DCUN1D5: variants seen among roughly 807,000 people sequenced by gnomAD.
DCUN1D5 encodes the protein DCN1-like protein 5.
DCUN1D5 carries 10 observed loss-of-function variants against 38.3 expected under a neutral mutation model. The ratio of observed to expected loss-of-function variants is 0.26; its 90% CI spans 0.16 to 0.44. The LOEUF (loss-of-function observed/expected upper bound fraction) is 0.44, where lower values mean the gene tolerates loss of function less well. DCUN1D5 is among the 20% of genes least tolerant of loss of function. The probability of loss-of-function intolerance (pLI) is 1.00; values close to 1 mark genes in which losing one functional copy is unlikely to be tolerated. For missense variants in DCUN1D5, 148 were observed against 275.3 expected (o/e 0.54, Z 3.27); for synonymous variants, 93 against 90.9 (o/e 1.02, Z -0.13).
intron 4 of DCUN1D5, among the ~76,000 whole-genome samples, chr11:103,067,952 C>T (rs569953869): frequency 2.6e-5 from 4 of 152,180 alleles, no homozygotes; most frequent in South Asian, 4.1e-4. Flanking sequence ...CTGGAATTAG[C>T]ATCTGTCCAA....
chr11:103,083,443 T>C lies in DCUN1D5; in HGVS notation c.179-117A>G. ...TATTTTGCAAATAATTAAATTTGAA[T>C]TTTGGCATAGCTTTGATAAGTATAA... On this transcript the variant is annotated intron_variant, in intron 2 of 7. Transcript: ENST00000260247. The surrounding 1 kb of genome is among the most constrained non-coding windows in gnomAD (Gnocchi z 4.4). The C allele has an allele frequency of 1.7e-6, 1 of 586,558 alleles. No individual in the cohort carries two copies. The highest frequency in any genetic ancestry group is 3.1e-6 in the Non-Finnish European group (1 of 326,396). The allele number at this position is 586,558 out of a possible 1,614,324, so 36.3% of individuals were successfully genotyped here.
rs1862188766 is a variant in DCUN1D5, at chr11:103,068,463, C to T, written c.342-1896G>A. 2.6e-5 allele frequency among the ~76,000 whole-genome samples: 4 copies of T among 152,016 alleles called. No homozygotes were observed. The South Asian group carries it at 8.3e-4, about 31-fold the overall frequency. On this transcript the variant is annotated intron_variant, in intron 4 of 7. Coordinates refer to ENST00000260247, the MANE Select transcript of DCUN1D5 (RefSeq NM_032299.4). ...AGTGATGGACTGGACAAAGAAAATA[C>T]ATATACACCATGGTATATGTACACT... is the stretch of plus-strand genomic sequence containing the variant.
At chr11:103,089,421 T>C in intron 1 of DCUN1D5, 103 bp from the exon 2 acceptor site, 1 of 1,046,236 alleles carries the variant, frequency 9.6e-7, no homozygotes, top group Non-Finnish European at 1.3e-6. Context: ...ACAAAGGTTT[T>C]TTTTTTCTTC....
chr11:103,068,398 T>C (rs552945532), intron 4 of DCUN1D5, among the ~76,000 whole-genome samples: 2 of 152,204 alleles, frequency 1.3e-5, no homozygotes, highest in African/African-American at 4.8e-5. Flanking sequence ...GCAGCACTAT[T>C]CACAATAGCA....
intron 4 of DCUN1D5, among the ~76,000 whole-genome samples, chr11:103,076,605 C>T (rs1235495988): frequency 6.6e-6 from 1 of 152,186 alleles, no homozygotes; most frequent in African/African-American, 2.4e-5. Context: ...CCTGTTTCCT[C>T]ATTTTTAAAA....
At position 103,092,126 on chromosome 11, in the gene DCUN1D5, C is replaced by G. The variant is rs1862891067; in HGVS notation, c.-254G>C. On this transcript the variant is annotated 5_prime_UTR_variant, in exon 1 of 8. Transcript: ENST00000260247. ...TCGTTCTCACCGGGAGGAGATAACGCGGACAGCGCGGCAGCTCCACCAGTC... is the reference window on the plus strand; with the variant it reads ...TCGTTCTCACCGGGAGGAGATAACGGGGACAGCGCGGCAGCTCCACCAGTC... The G allele has an allele frequency of 4.5e-6, 2 of 448,302 alleles. No individual in the cohort carries two copies. Among genetic ancestry groups the G allele is most frequent in the Admixed American group, 4.0e-5 (1 of 24,904 alleles). 27.8% of individuals were successfully genotyped at this position (448,302 alleles called of 1,614,324 possible). A position where few individuals can be genotyped will look rare whatever the true frequency, so the allele number is the denominator to read the frequency against.
intron 4 of DCUN1D5, among the ~76,000 whole-genome samples, chr11:103,068,063 TG>T (rs1013656972): frequency 1.5e-4 from 23 of 152,332 alleles, no homozygotes; most frequent in African/African-American, 5.3e-4. Context: ...TTGAATGTTT[TG>T]GTCCCATACT....
At position 103,091,906 on chromosome 11, in the gene DCUN1D5, C is replaced by A; in HGVS notation, c.-34G>T. The stretch of plus-strand genomic sequence containing the variant: ...CTCCCCGGCAGGGTGGGCAGGGGAG[C>A]CGGGGAAGGGGGTCCCTGTCCGCTG... On this transcript the variant is annotated 5_prime_UTR_variant, in exon 1 of 8. Coordinates refer to ENST00000260247, the MANE Select transcript of DCUN1D5 (RefSeq NM_032299.4). This position sits in a 1 kb window ranked among gnomAD's most constrained non-coding sequence, Gnocchi z 4.3. The A allele has an allele frequency of 6.3e-7, 1 of 1,594,068 alleles. No individual in the cohort carries two copies. Among genetic ancestry groups the A allele is most frequent in the Non-Finnish European group, 8.6e-7 (1 of 1,168,248 alleles).
At position 103,091,102 on chromosome 11, in the gene DCUN1D5, T is replaced by C. The variant is rs1862852807; in HGVS notation, c.86+685A>G. Among the ~76,000 whole-genome samples the C allele has an allele frequency of 6.6e-6, 1 of 152,086 alleles. No individual in the cohort carries two copies. The highest frequency in any genetic ancestry group is 1.5e-5 in the Non-Finnish European group (1 of 68,004). On this transcript the variant is annotated intron_variant, in intron 1 of 7. Transcript: ENST00000260247. This position sits in a 1 kb window ranked among gnomAD's most constrained non-coding sequence, Gnocchi z 4.3. ...AGAGTACAAGAGCTCACAAATTATT[T>C]AATTTATGCTGAGAGCTAACAGCGT...
rs1428743726 is a variant in DCUN1D5, at chr11:103,054,255, A to G, written c.*8104T>C. On this transcript the variant is annotated 3_prime_UTR_variant, in exon 8 of 8. Coordinates refer to ENST00000260247, the MANE Select transcript of DCUN1D5 (RefSeq NM_032299.4). ...AGGAATGGGGTTAAAGTCTGCTTGAAGAAGTAGTGGGAGCAAAGATAGAAG... is the reference window on the plus strand; with the variant it reads ...AGGAATGGGGTTAAAGTCTGCTTGAGGAAGTAGTGGGAGCAAAGATAGAAG... The G allele has an allele frequency of 1.3e-5, 2 of 152,146 alleles. No homozygotes were observed. Among genetic ancestry groups the G allele is most frequent in the African/African-American group, 4.8e-5 (2 of 41,438 alleles). The allele number at this position is 152,146 out of a possible 1,614,324, so 9.4% of individuals were successfully genotyped here.
Position 103,064,387 on chromosome 11 carries a change from T to A in DCUN1D5, c.556-10A>T. On this transcript the variant is annotated splice_polypyrimidine_tract_variant and intron_variant, in intron 6 of 7. Transcript: ENST00000260247. This position sits in a 1 kb window ranked among gnomAD's most constrained non-coding sequence, Gnocchi z 4.5. ...CACGATACTTTGATTGCTGCAAAAA[T>A]GATTTAAATATTTGTATTTAAATAT... 6.4e-7 allele frequency: 1 copy of A among 1,570,804 alleles called. No homozygotes were observed. The highest frequency in any genetic ancestry group is 8.7e-7 in the Non-Finnish European group (1 of 1,155,034).
rs527703228 is a variant in DCUN1D5 at position 103,065,154 on chromosome 11, C to CT, written c.556-778dup. Among the ~76,000 whole-genome samples the CT allele has an allele frequency of 8.8e-3, 1,275 of 144,704 alleles. 10 individuals are homozygous for CT. Among genetic ancestry groups the CT allele is most frequent in the African/African-American group, 0.025 (983 of 39,874 alleles). The allele number at this position is 144,704 out of a possible 152,430, so 94.9% of individuals were successfully genotyped here. The stretch of plus-strand genomic sequence containing the variant: ...GTAAGACCTTTTCATATCATTGTCT[C>CT]TTTTTTTTTTTTTCTGAGACAGAGT... On this transcript the variant is annotated intron_variant, in intron 6 of 7. Coordinates refer to ENST00000260247, the MANE Select transcript of DCUN1D5 (RefSeq NM_032299.4). This position sits in a 1 kb window ranked among gnomAD's most constrained non-coding sequence, Gnocchi z 4.6.
chr11:103,058,351 G>A lies in DCUN1D5; in HGVS notation c.*4008C>T, dbSNP rs1294822630. Among the ~76,000 whole-genome samples, 4 of 152,172 alleles carry A rather than the reference G, an allele frequency of 2.6e-5. No homozygotes were observed. Among genetic ancestry groups the A allele is most frequent in the Non-Finnish European group, 5.9e-5 (4 of 68,002 alleles). ...TGTAAAAGATTGTAAGGTGGACACA[G>A]CAAATGTATGATCGATCAGTTTTAA... On this transcript the variant is annotated 3_prime_UTR_variant, in exon 8 of 8. Coordinates refer to ENST00000260247, the MANE Select transcript of DCUN1D5 (RefSeq NM_032299.4).
rs1426102254 is a variant in DCUN1D5 at position 103,053,585 on chromosome 11, C to T, written c.*8774G>A. 1 of 151,624 alleles carries T rather than the reference C, an allele frequency of 6.6e-6. No homozygotes were observed. Among genetic ancestry groups the T allele is most frequent in the Non-Finnish European group, 1.5e-5 (1 of 67,874 alleles). 9.4% of individuals were successfully genotyped at this position (151,624 alleles called of 1,614,324 possible). A position where few individuals can be genotyped will look rare whatever the true frequency, so the allele number is the denominator to read the frequency against. On this transcript the variant is annotated 3_prime_UTR_variant, in exon 8 of 8. Transcript: ENST00000260247. This position sits in a 1 kb window ranked among gnomAD's most constrained non-coding sequence, Gnocchi z 4.8. The stretch of plus-strand genomic sequence containing the variant: ...CATTTAATTATATGAATATATCATA[C>T]TATCACATGTACCCCCCAAATAAAT...
In DCUN1D5 at chr11:103,068,851, AG is replaced by A. The variant is rs201084833; in HGVS notation, c.342-2285del. On this transcript the variant is annotated intron_variant, in intron 4 of 7. Transcript: ENST00000260247. ...AAACCTAAAAATTAAAAAAAAAAAA[AG>A]ATCTTACAGTTCAAAAATACATGCA... 3.8e-3 allele frequency among the ~76,000 whole-genome samples: 571 copies of A among 150,158 alleles called. 9 individuals carry two copies. In the East Asian group the frequency reaches 0.051, roughly 13 times the overall value.
rs957126622 is a variant in DCUN1D5 at position 103,091,065 on chromosome 11, T to C, written c.86+722A>G. ...TATAGTTCTGCCTTGTCTTCTTTCTTACCAGTAGGACAGAGTACAAGAGCT... is the reference window on the plus strand; with the variant it reads ...TATAGTTCTGCCTTGTCTTCTTTCTCACCAGTAGGACAGAGTACAAGAGCT... On this transcript the variant is annotated intron_variant, in intron 1 of 7. Coordinates refer to ENST00000260247, the MANE Select transcript of DCUN1D5 (RefSeq NM_032299.4). The surrounding 1 kb of genome is among the most constrained non-coding windows in gnomAD (Gnocchi z 4.3). Among the ~76,000 whole-genome samples the C allele has an allele frequency of 2.2e-4, 33 of 152,322 alleles. No individual in the cohort carries two copies. Among genetic ancestry groups the C allele is most frequent in the African/African-American group, 7.2e-4 (30 of 41,568 alleles).
chr11:103,082,833 T>C lies in DCUN1D5; in HGVS notation c.256A>G (p.Met86Val). Residue 86 changes from methionine to valine, a missense_variant, in exon 4 of 8, where the codon ATG (methionine) becomes GTG (valine). Physicochemically the swap from Met to Val is conservative, Grantham distance 21 (BLOSUM62 1). Coordinates refer to ENST00000260247, the MANE Select transcript of DCUN1D5 (RefSeq NM_032299.4). ...DIGVEPENII[M>V]LVLAWKLEAE... is the part of the protein sequence containing the mutation. ...TCCAATTTCCACGCTAAAACTAACATAATAATCTGGAAAGAACAGAACATA... is the reference window on the plus strand; with the variant it reads ...TCCAATTTCCACGCTAAAACTAACACAATAATCTGGAAAGAACAGAACATA... The C allele has an allele frequency of 2.5e-6, 4 of 1,611,492 alleles. No homozygotes were observed. The highest frequency in any genetic ancestry group is 3.4e-6 in the Non-Finnish European group (4 of 1,178,010).
Position 103,065,623 on chromosome 11 carries a change from TAA to T in DCUN1D5, c.555+644_555+645del, listed in dbSNP as rs796905027. Among the ~76,000 whole-genome samples the T allele has an allele frequency of 6.9e-6, 1 of 144,570 alleles. No homozygotes were observed. The highest frequency in any genetic ancestry group is 1.5e-5 in the Non-Finnish European group (1 of 65,380). 94.8% of individuals were successfully genotyped at this position (144,570 alleles called of 152,430 possible). ...AATTACAAAGGCACAAAAACAGATT[TAA>T]AAAAAAAAAACTAGACAAAGCAATG... On this transcript the variant is annotated intron_variant, in intron 6 of 7. Coordinates refer to ENST00000260247, the MANE Select transcript of DCUN1D5 (RefSeq NM_032299.4). This position sits in a 1 kb window ranked among gnomAD's most constrained non-coding sequence, Gnocchi z 4.6.
Position 103,064,351 on chromosome 11 carries a change from T to C in DCUN1D5, c.582A>G (p.Lys194=). ...LEQSKYRVMN[K]DQWYNVLEFS... is the part of the protein sequence containing the mutation. ...ATTCTAATACATTGTACCATTGATC[T>C]TTGTTCATAACACGATACTTTGATT... The change falls in exon 7 of 8, where the codon AAA becomes AAG. Residue 194 remains lysine, a synonymous_variant. Coordinates refer to ENST00000260247, the MANE Select transcript of DCUN1D5 (RefSeq NM_032299.4). This position sits in a 1 kb window ranked among gnomAD's most constrained non-coding sequence, Gnocchi z 4.5. 6.2e-7 allele frequency: 1 copy of C among 1,607,284 alleles called. No individual in the cohort carries two copies. The highest frequency in any genetic ancestry group is 8.5e-7 in the Non-Finnish European group (1 of 1,177,366).
Sources: allele counts gnomAD v4.1 joint callset (sites outside exome capture counted in the v4.1 genomes callset), GRCh38; gene constraint gnomAD v4.1.1; non-coding constraint Gnocchi (gnomAD v3.1); transcripts MANE v1.5; gene names NCBI Gene and HGNC (gene_info 2026-07-23, HGNC 2026-07-21).